The following NELL1 variants were observed in gnomAD, a reference collection of about 807,000 sequenced individuals.
The protein encoded by NELL1 is protein kinase C-binding protein NELL1.
In NELL1, 76 loss-of-function variants were observed where a neutral mutation model predicts 107.4. That is an observed-to-expected ratio of 0.71 (90% CI 0.59 to 0.86). The LOEUF (loss-of-function observed/expected upper bound fraction) is 0.86. Among genes scored for constraint, NELL1 ranks in the 40% least tolerant of loss-of-function variants. The pLI is 0.00. For missense variants in NELL1, 1,024 were observed against 1,005.5 expected (o/e 1.02, Z -0.25); for synonymous variants, 353 against 341.2 (o/e 1.03, Z -0.38).
chr11:21,503,366 G>T (rs1053115252), intron 15 of NELL1, among the ~76,000 whole-genome samples: 3 of 152,156 alleles, frequency 2.0e-5, no homozygotes, highest in African/African-American at 7.2e-5. Context: ...TAAATCATGT[G>T]ACTAGACCAA....
At chr11:20,746,771 T>C (rs1856013818) in intron 2 of NELL1, among the ~76,000 whole-genome samples, 1 of 152,172 alleles carries the variant, frequency 6.6e-6, no homozygotes, top group Admixed American at 6.6e-5. Flanking sequence ...TATTTCTCTG[T>C]AGTGGTTTTG....
intron 14 of NELL1, among the ~76,000 whole-genome samples, chr11:21,300,131 T>C (rs1849462926): frequency 6.6e-6 from 1 of 151,962 alleles, no homozygotes; most frequent in South Asian, 2.1e-4. Context: ...CCCCTGGTGG[T>C]AAGAGGACTG....
At chr11:21,201,340 C>G (rs887324829) in intron 13 of NELL1, among the ~76,000 whole-genome samples, 2 of 152,088 alleles carry the variant, frequency 1.3e-5, no homozygotes, top group Non-Finnish European at 2.9e-5. Flanking sequence ...TGAAGAGGTC[C>G]TTCACATCTC....
intron 13 of NELL1, among the ~76,000 whole-genome samples, chr11:21,178,492 A>G (rs4923404): frequency 0.75 from 114,100 of 151,574 alleles, 43,348 homozygotes; most frequent in African/African-American, 0.82. Context: ...TTTGGGTGGG[A>G]ATCGTAGCTC....
intron 1 of NELL1, among the ~76,000 whole-genome samples, chr11:20,672,968 CAG>C (rs1853952076): frequency 4.0e-5 from 2 of 50,230 alleles, no homozygotes; most frequent in Non-Finnish European, 3.5e-5. Context: ...TCTCCTGCCT[CAG>C]CCCCCCCCCC....
At chr11:21,571,077 G>A in intron 18 of NELL1, 137 bp downstream of exon 18, 1 of 662,874 alleles carries the variant, frequency 1.5e-6, no homozygotes. Context: ...TAAGGGTCAT[G>A]TTCTCTTCCT....
rs117517380 is a variant in NELL1 at position 21,018,112 on chromosome 11, T to C, written c.1300+57552T>C. 4.7e-4 allele frequency among the ~76,000 whole-genome samples: 71 copies of C among 152,266 alleles called. 1 individual carries two copies. The East Asian group carries it at 0.014, about 29-fold the overall frequency. On this transcript the variant is annotated intron_variant, in intron 12 of 19. Coordinates refer to ENST00000357134, the MANE Select transcript of NELL1 (RefSeq NM_006157.5). The stretch of plus-strand genomic sequence containing the variant: ...GATCCTGCTGTATTTCAGCCTTATT[T>C]ATCAGGCTTGATTGACATATTCAAT...
At chr11:21,394,794 AG>A (rs1851947357) in intron 15 of NELL1, among the ~76,000 whole-genome samples, 1 of 151,560 alleles carries the variant, frequency 6.6e-6, no homozygotes, top group South Asian at 2.1e-4. Flanking sequence ...CATCTTCAAG[AG>A]TTAACACTTA....
intron 14 of NELL1, among the ~76,000 whole-genome samples, chr11:21,308,372 C>T (rs1367449885): frequency 6.6e-6 from 1 of 151,950 alleles, no homozygotes; most frequent in African/African-American, 2.4e-5. Context: ...CTCTCCACTC[C>T]CTCTGAGAAG....
At chr11:20,690,052 T>C (rs1854420180) in intron 2 of NELL1, among the ~76,000 whole-genome samples, 2 of 152,226 alleles carry the variant, frequency 1.3e-5, no homozygotes, top group African/African-American at 4.8e-5. Flanking sequence ...ATGAGCATTT[T>C]TTCATGTGTC....
intron 5 of NELL1, among the ~76,000 whole-genome samples, chr11:20,897,216 T>C (rs1849761032): frequency 6.6e-6 from 1 of 152,088 alleles, no homozygotes; most frequent in Non-Finnish European, 1.5e-5. Flanking sequence ...AAAACAGAGA[T>C]ATAGACTAAT....
At chr11:20,741,900 T>C (rs1169104236) in intron 2 of NELL1, among the ~76,000 whole-genome samples, 1 of 152,212 alleles carries the variant, frequency 6.6e-6, no homozygotes, top group African/African-American at 2.4e-5. Flanking sequence ...TCTTAAACTT[T>C]AATGTGTATA....
chr11:20,912,836 G>T (rs2134150435), intron 5 of NELL1, among the ~76,000 whole-genome samples: 1 of 152,230 alleles, frequency 6.6e-6, no homozygotes, highest in Non-Finnish European at 1.5e-5. Flanking sequence ...CATTGAAAAA[G>T]AAGCTATATT....
At chr11:20,675,726 T>C (rs1369860005) in intron 1 of NELL1, among the ~76,000 whole-genome samples, 4 of 152,184 alleles carry the variant, frequency 2.6e-5, no homozygotes, top group Non-Finnish European at 5.9e-5. Flanking sequence ...AGGGCTTATA[T>C]GATCTGGCCC....
At chr11:20,886,658 C>T (rs979081821) in intron 5 of NELL1, among the ~76,000 whole-genome samples, 1 of 152,000 alleles carries the variant, frequency 6.6e-6, no homozygotes, top group Non-Finnish European at 1.5e-5. Context: ...ACAATGAGAA[C>T]ACATGGACAC....
chr11:21,456,201 T>C (rs1032487632), intron 15 of NELL1, among the ~76,000 whole-genome samples: 2 of 152,142 alleles, frequency 1.3e-5, no homozygotes, highest in Non-Finnish European at 2.9e-5. Flanking sequence ...TCTTTCTTCT[T>C]TTGCTTGGGA....
chr11:21,119,697 G>A (rs1404116089), intron 13 of NELL1, among the ~76,000 whole-genome samples: 1 of 152,046 alleles, frequency 6.6e-6, no homozygotes, highest in African/African-American at 2.4e-5. Context: ...AGTTGCTCTT[G>A]CTCTTTTATG....
chr11:21,555,532 G>A (rs1359909339), intron 16 of NELL1, among the ~76,000 whole-genome samples: 1 of 151,842 alleles, frequency 6.6e-6, no homozygotes, highest in Non-Finnish European at 1.5e-5. Flanking sequence ...TCAAAAGAGA[G>A]TCTCCTTAAT....
chr11:20,894,199 C>T (rs11025802), intron 5 of NELL1, among the ~76,000 whole-genome samples: 1 of 152,130 alleles, frequency 6.6e-6, no homozygotes, highest in Non-Finnish European at 1.5e-5. Flanking sequence ...TAGGAGAATA[C>T]TTTATGACCT....
Sources: allele counts gnomAD v4.1 joint callset (sites outside exome capture counted in the v4.1 genomes callset), GRCh38; gene constraint gnomAD v4.1.1; transcripts MANE v1.5; gene names NCBI Gene and HGNC (gene_info 2026-07-23, HGNC 2026-07-21).